Variants in SORCS3 observed in about 807,000 individuals in gnomAD.
SORCS3 encodes the protein sortilin related VPS10 domain containing receptor 3.
SORCS3 carries 57 observed loss-of-function variants against 146.3 expected under a neutral mutation model. The observed-to-expected ratio is 0.39, with a 90% CI of 0.31 to 0.49. The LOEUF is 0.49. Ranked by LOEUF, SORCS3 falls within the 20% of genes least tolerant of loss-of-function variation. SORCS3 has a pLI of 0.92. For missense variants in SORCS3, 1,341 were observed against 1,575.5 expected (o/e 0.85, Z 2.52); for synonymous variants, 653 against 618.5 (o/e 1.06, Z -0.83).
intron 5 of SORCS3, among the ~76,000 whole-genome samples, chr10:105,079,355 C>T (rs2055608655): frequency 6.6e-6 from 1 of 152,146 alleles, no homozygotes; most frequent in South Asian, 2.1e-4. Context: ...TGAGCTTTCA[C>T]AGAAGCTAAA....
chr10:105,046,187 G>A (rs947022097), intron 5 of SORCS3, among the ~76,000 whole-genome samples: 7 of 152,134 alleles, frequency 4.6e-5, no homozygotes, highest in African/African-American at 7.2e-5. Context: ...AATGAGAGAC[G>A]ATGTTAAAAA....
chr10:105,112,286 A>G, intron 7 of SORCS3, among the ~76,000 whole-genome samples: 1 of 152,178 alleles, frequency 6.6e-6, no homozygotes, highest in South Asian at 2.1e-4. Context: ...GATTTTCTGA[A>G]ACCAGTGTCA....
At chr10:104,991,367 T>A (rs1330225617) in intron 4 of SORCS3, among the ~76,000 whole-genome samples, 2 of 152,128 alleles carry the variant, frequency 1.3e-5, no homozygotes, top group East Asian at 3.9e-4. Context: ...AGGGTTGATT[T>A]CTTCTGAAGC....
At chr10:104,674,966 A>T (rs1170290510) in intron 1 of SORCS3, among the ~76,000 whole-genome samples, 2 of 152,058 alleles carry the variant, frequency 1.3e-5, no homozygotes, top group Non-Finnish European at 2.9e-5. Context: ...GGACATCTGT[A>T]CTCATTTCTT....
chr10:105,140,057 T>A (rs978196684), intron 8 of SORCS3, among the ~76,000 whole-genome samples: 1 of 152,218 alleles, frequency 6.6e-6, no homozygotes, highest in African/African-American at 2.4e-5. Flanking sequence ...ACCCCATTCC[T>A]TGTGAACATT....
intron 5 of SORCS3, among the ~76,000 whole-genome samples, chr10:105,069,359 G>A (rs1035916331): frequency 3.3e-5 from 5 of 152,132 alleles, no homozygotes; most frequent in Admixed American, 2.6e-4. Context: ...TTTTCACTGT[G>A]GCCAAGAGCA....
At chr10:105,247,040 A>G (rs2056870561) in intron 21 of SORCS3, among the ~76,000 whole-genome samples, 179 bp from the exon 22 acceptor site, 1 of 152,226 alleles carries the variant, frequency 6.6e-6, no homozygotes, top group Admixed American at 6.5e-5. Flanking sequence ...ACTTTTAATC[A>G]CCAAATTCTA....
rs539339887 is a variant in SORCS3, at chr10:104,838,153, C to G, written c.628-4639C>G. Among the ~76,000 whole-genome samples, 256 of 152,198 alleles carry G rather than the reference C, an allele frequency of 1.7e-3. 3 individuals carry two copies. Among genetic ancestry groups the G allele is most frequent in the African/African-American group, 5.9e-3 (245 of 41,528 alleles). On this transcript the variant is annotated intron_variant, in intron 1 of 26. Coordinates refer to ENST00000369701, the MANE Select transcript of SORCS3 (RefSeq NM_014978.3). ...TGCTTATGCTTCCTTGAGTTTGAGT[C>G]CCATTCTCATTCTGGGGCCATCAGC...
intron 1 of SORCS3, among the ~76,000 whole-genome samples, chr10:104,695,801 TG>T (rs1589460897): frequency 2.0e-5 from 3 of 151,606 alleles, no homozygotes; most frequent in Non-Finnish European, 4.4e-5. Flanking sequence ...TTTTAATATT[TG>T]TGCATAATAC....
At chr10:105,114,921 T>A (rs1564758305) in intron 7 of SORCS3, among the ~76,000 whole-genome samples, 1 of 152,244 alleles carries the variant, frequency 6.6e-6, no homozygotes, top group South Asian at 2.1e-4. Flanking sequence ...TTGCTGTTAG[T>A]TTTAAGAGTT....
At chr10:105,037,141 G>T (rs1011613508) in intron 4 of SORCS3, among the ~76,000 whole-genome samples, 1 of 152,120 alleles carries the variant, frequency 6.6e-6, no homozygotes, top group Non-Finnish European at 1.5e-5. Flanking sequence ...GGGGGTGGAG[G>T]CATGATGAAA....
chr10:104,924,163 G>A (rs148857605), intron 3 of SORCS3, among the ~76,000 whole-genome samples: 3 of 152,220 alleles, frequency 2.0e-5, no homozygotes, highest in East Asian at 3.9e-4. Flanking sequence ...ACTGCATATT[G>A]GAGCTTAAAG....
At chr10:104,675,967 T>G (rs2015908143) in intron 1 of SORCS3, among the ~76,000 whole-genome samples, 1 of 152,190 alleles carries the variant, frequency 6.6e-6, no homozygotes, top group Admixed American at 6.5e-5. Context: ...CTTTTTAAAT[T>G]TTCCTTAATT....
intron 7 of SORCS3, among the ~76,000 whole-genome samples, chr10:105,133,030 A>C (rs2864039): frequency 0.51 from 77,286 of 151,926 alleles, 19,937 homozygotes; most frequent in Admixed American, 0.55. Context: ...AGAGAAGCAG[A>C]AAATGCATGC....
intron 1 of SORCS3, among the ~76,000 whole-genome samples, chr10:104,817,151 C>A (rs966814053): frequency 6.6e-6 from 1 of 152,142 alleles, no homozygotes; most frequent in Non-Finnish European, 1.5e-5. Flanking sequence ...GGGGCCCACA[C>A]TACTTATGAG....
In SORCS3 at chr10:104,775,252, A is replaced by G. The variant is rs149984332; in HGVS notation, c.628-67540A>G. ...GTGTTAGTTTCTTCACCTGTATTTT[A>G]TAGGTGAAGGCACAGAGCCTCTTCA... On this transcript the variant is annotated intron_variant, in intron 1 of 26. Transcript: ENST00000369701. Among the ~76,000 whole-genome samples, 13 of 152,350 alleles carry G rather than the reference A, an allele frequency of 8.5e-5. No individual in the cohort carries two copies. The East Asian group carries it at 2.5e-3, about 29-fold the overall frequency.
At chr10:104,784,463 A>G (rs2496035) in intron 1 of SORCS3, among the ~76,000 whole-genome samples, 120,208 of 152,226 alleles carry the variant, frequency 0.79, 47,709 homozygotes, top group East Asian at 0.94. Flanking sequence ...CCCTTGAGCC[A>G]TTTGTAACAG....
In SORCS3 at chr10:104,665,823, C is replaced by T. The variant is rs137961546; in HGVS notation, c.627+23869C>T. On this transcript the variant is annotated intron_variant, in intron 1 of 26. Transcript: ENST00000369701. ...TTGTTACTCTAAAATGCATATGGGG[C>T]CAAAATCACAATAGTCTTGTCTTTG... 4 of 152,234 alleles carry T rather than the reference C, an allele frequency of 2.6e-5. No individual in the cohort carries two copies. The East Asian group carries it at 7.7e-4, about 29-fold the overall frequency. 9.4% of individuals were successfully genotyped at this position (152,234 alleles called of 1,614,324 possible).
intron 5 of SORCS3, among the ~76,000 whole-genome samples, chr10:105,069,329 C>T (rs2055542942): frequency 1.3e-5 from 2 of 152,296 alleles, no homozygotes; most frequent in Admixed American, 6.5e-5. Flanking sequence ...TTTGAAACTC[C>T]CTGAACCCTC....
Sources: allele counts gnomAD v4.1 joint callset (sites outside exome capture counted in the v4.1 genomes callset), GRCh38; gene constraint gnomAD v4.1.1; transcripts MANE v1.5; gene names NCBI Gene and HGNC (gene_info 2026-07-23, HGNC 2026-07-21).